Variants in NETO2 observed in about 807,000 individuals in gnomAD.
The protein encoded by NETO2 is neuropilin and tolloid like 2.
NETO2 carries 28 observed loss-of-function variants against 62.5 expected under a neutral mutation model. That is an observed-to-expected ratio of 0.45 (90% CI 0.33 to 0.61). The LOEUF (loss-of-function observed/expected upper bound fraction) is 0.61, where lower values mean the gene tolerates loss of function less well. Among genes scored for constraint, NETO2 ranks in the 20% least tolerant of loss-of-function variants. The pLI is 0.02. For synonymous variants in NETO2, 214 were observed against 219.1 expected, an observed-to-expected ratio of 0.98 and a Z score of 0.21; for missense variants, 548 against 643.2, an observed-to-expected ratio of 0.85 and a Z score of 1.60.
intron 7 of NETO2, among the ~76,000 whole-genome samples, chr16:47,102,008 C>T (rs1355561532): frequency 6.6e-6 from 1 of 152,172 alleles, no homozygotes; most frequent in Non-Finnish European, 1.5e-5. Context: ...AAGCTGGAGG[C>T]ATCATGCTTC....
At chr16:47,111,948 C>T (rs1963810068) in intron 6 of NETO2, among the ~76,000 whole-genome samples, 2 of 152,076 alleles carry the variant, frequency 1.3e-5, no homozygotes, top group South Asian at 4.1e-4. Flanking sequence ...TATTGGAGCC[C>T]CTGAAGACCC....
At chr16:47,084,001 T>C (rs1028173260) in intron 8 of NETO2, among the ~76,000 whole-genome samples, 200 bp from the exon 9 acceptor site, 5 of 152,234 alleles carry the variant, frequency 3.3e-5, no homozygotes, top group Admixed American at 6.5e-5. Flanking sequence ...GCAGTACTGA[T>C]AGATTACAGA....
chr16:47,143,719 G>T lies in NETO2; in HGVS notation c.-107C>A. The T allele has an allele frequency of 1.1e-5, 13 of 1,192,778 alleles. No individual in the cohort carries two copies. Among genetic ancestry groups the T allele is most frequent in the Non-Finnish European group, 1.4e-5 (13 of 958,450 alleles). The allele number at this position is 1,192,778 out of a possible 1,614,324, so 73.9% of individuals were successfully genotyped here. A position where few individuals can be genotyped will look rare whatever the true frequency, so the allele number is the denominator to read the frequency against. Reference sequence around the variant, plus strand: ...ACGGCCCCACTCCGTCCCCATCGCCGGCCAGCAGCTGCCTCCCCGCTCCCC... The same window carrying T: ...ACGGCCCCACTCCGTCCCCATCGCCTGCCAGCAGCTGCCTCCCCGCTCCCC... On this transcript the variant is annotated 5_prime_UTR_variant, in exon 1 of 9. Transcript: ENST00000562435.
chr16:47,124,014 T>C (rs1461713153), intron 4 of NETO2, among the ~76,000 whole-genome samples: 4 of 152,250 alleles, frequency 2.6e-5, no homozygotes, highest in Non-Finnish European at 4.4e-5. Flanking sequence ...TCTATTTCAA[T>C]ACGCAATTTA....
chr16:47,119,059 A>G (rs546987768), intron 6 of NETO2, among the ~76,000 whole-genome samples: 10 of 151,712 alleles, frequency 6.6e-5, no homozygotes, highest in African/African-American at 2.2e-4. Context: ...TGGCAGATCT[A>G]CTTTCTACTT....
chr16:47,085,178 G>A (rs897363587), intron 8 of NETO2, among the ~76,000 whole-genome samples: 7 of 152,004 alleles, frequency 4.6e-5, no homozygotes, highest in African/African-American at 7.2e-5. Context: ...GAAATGTTAC[G>A]AAATAAAAAA....
chr16:47,092,503 G>T (rs973311271), intron 7 of NETO2, among the ~76,000 whole-genome samples: 1 of 151,982 alleles, frequency 6.6e-6, no homozygotes. Flanking sequence ...AGCACACGTC[G>T]GTTTAGACGG....
rs1282090607 is a variant in NETO2 at position 47,086,311 on chromosome 16, G to A, written c.912C>T (p.Cys304=). ...AATTATTGATGCACATGTTGCTATG[G>A]CAAAAGAAAGTGCTGCTTGTGCAGG... ...EPPCTSSTFF[C]HSNMCINNSL... The change falls in exon 8 of 9, where the codon TGC becomes TGT. Residue 304 remains cysteine, a synonymous_variant. Coordinates refer to ENST00000562435, the MANE Select transcript of NETO2 (RefSeq NM_018092.5). The A allele has an allele frequency of 1.2e-6, 2 of 1,613,780 alleles. No individual in the cohort carries two copies. The highest frequency in any genetic ancestry group is 1.7e-6 in the Non-Finnish European group (2 of 1,179,780).
intron 8 of NETO2, among the ~76,000 whole-genome samples, chr16:47,086,020 G>A (rs1462690984): frequency 6.6e-6 from 1 of 152,066 alleles, no homozygotes; most frequent in Non-Finnish European, 1.5e-5. Flanking sequence ...GCAGGAGAAT[G>A]GTGTGAACCC....
intron 1 of NETO2, among the ~76,000 whole-genome samples, chr16:47,136,416 T>C (rs572987558): frequency 2.6e-5 from 4 of 152,200 alleles, no homozygotes; most frequent in African/African-American, 9.7e-5. Context: ...AATTTTTATT[T>C]ATTGACTGAT....
At chr16:47,119,577 T>A (rs1022031960) in intron 6 of NETO2, among the ~76,000 whole-genome samples, 1 of 152,114 alleles carries the variant, frequency 6.6e-6, no homozygotes, top group Non-Finnish European at 1.5e-5. Context: ...TTTTAATTTC[T>A]GTTTTATGAT....
intron 2 of NETO2, among the ~76,000 whole-genome samples, chr16:47,130,854 G>A (rs1325617258): frequency 6.6e-6 from 1 of 152,106 alleles, no homozygotes; most frequent in Non-Finnish European, 1.5e-5. Context: ...AGGACCTACA[G>A]CGCCTTAAAC....
At chr16:47,092,761 A>G (rs1316652633) in intron 7 of NETO2, among the ~76,000 whole-genome samples, 1 of 152,204 alleles carries the variant, frequency 6.6e-6, no homozygotes, top group Non-Finnish European at 1.5e-5. Flanking sequence ...CTGGTGAAGG[A>G]AGCAGCAGCA....
intron 7 of NETO2, among the ~76,000 whole-genome samples, chr16:47,099,892 G>T (rs1392656472): frequency 6.6e-6 from 1 of 152,076 alleles, no homozygotes; most frequent in African/African-American, 2.4e-5. Context: ...GTCAATATTA[G>T]ACAGATAACG....
At chr16:47,107,729 T>C (rs553966069) in intron 7 of NETO2, among the ~76,000 whole-genome samples, 4 of 152,324 alleles carry the variant, frequency 2.6e-5, no homozygotes, top group South Asian at 2.1e-4. Context: ...GAGCTTCCAA[T>C]GGCTGAAGCT....
chr16:47,082,923 T>C lies in NETO2; in HGVS notation c.*298A>G. On this transcript the variant is annotated 3_prime_UTR_variant, in exon 9 of 9. Coordinates refer to ENST00000562435, the MANE Select transcript of NETO2 (RefSeq NM_018092.5). ...TTGTTGCTAAAACGAAGAGGCAGCC[T>C]GAGCCTGGCTCCATCCAACCACCTC... 3.4e-6 allele frequency: 1 copy of C among 292,232 alleles called. No homozygotes were observed. The highest frequency in any genetic ancestry group is 6.3e-6 in the Non-Finnish European group (1 of 158,564). The allele number at this position is 292,232 out of a possible 1,614,324, so 18.1% of individuals were successfully genotyped here.
chr16:47,109,455 C>G, intron 7 of NETO2, 28 bp downstream of exon 7: 3 of 1,518,182 alleles, frequency 2.0e-6, no homozygotes, highest in Non-Finnish European at 2.7e-6. Context: ...TGTAAAAGAT[C>G]TCAATACTAT....
intron 4 of NETO2, among the ~76,000 whole-genome samples, chr16:47,123,273 G>A (rs147883970): frequency 1.3e-5 from 2 of 152,204 alleles, no homozygotes; most frequent in East Asian, 1.9e-4. Context: ...TCTAAACTTC[G>A]GCTTAAATGG....
intron 7 of NETO2, among the ~76,000 whole-genome samples, chr16:47,107,650 G>A (rs1370172078): frequency 6.6e-6 from 1 of 152,164 alleles, no homozygotes; most frequent in Non-Finnish European, 1.5e-5. Context: ...CAGCATTGCC[G>A]TAAAGTAAGA....
Sources: allele counts gnomAD v4.1 joint callset (sites outside exome capture counted in the v4.1 genomes callset), GRCh38; gene constraint gnomAD v4.1.1; transcripts MANE v1.5; gene names NCBI Gene and HGNC (gene_info 2026-07-23, HGNC 2026-07-21).